The following GSTA2 variants were observed in gnomAD, a reference collection of about 807,000 sequenced individuals.
GSTA2 encodes glutathione S-transferase alpha 2, also known as glutathione S-transferase A2.
Under a neutral mutation model 22.4 loss-of-function variants are expected in GSTA2, and 27 were observed. That is an observed-to-expected ratio of 1.21 (90% CI 0.89 to 1.67). The LOEUF (loss-of-function observed/expected upper bound fraction) is 1.67. Ranked by LOEUF, GSTA2 falls within the 40% of genes most tolerant of loss-of-function variation. The pLI, the probability that GSTA2 is intolerant of heterozygous loss-of-function variation, is 0.00. For missense variants in GSTA2, 302 were observed against 260.2 expected (o/e 1.16, Z -1.11); for synonymous variants, 121 against 86.8 (o/e 1.39, Z -2.19).
At chr6:52,754,432 C>T (rs1762802756) in intron 4 of GSTA2, among the ~76,000 whole-genome samples, 1 of 152,146 alleles carries the variant, frequency 6.6e-6, no homozygotes, top group African/African-American at 2.4e-5. Context: ...CTCCAGTATC[C>T]TTGGTGCCAG....
At chr6:52,762,171 G>T (rs1026688540) in intron 1 of GSTA2, among the ~76,000 whole-genome samples, 3 of 152,184 alleles carry the variant, frequency 2.0e-5, no homozygotes, top group African/African-American at 4.8e-5. Context: ...ATTGTCCAAG[G>T]TTTCTCCCCA....
chr6:52,760,311 A>G (rs59288314), intron 1 of GSTA2, among the ~76,000 whole-genome samples: 2,723 of 152,328 alleles, frequency 0.018, 87 homozygotes, highest in African/African-American at 0.061. Flanking sequence ...ACTCCAGCTG[A>G]TAATTAACAT....
intron 6 of GSTA2, among the ~76,000 whole-genome samples, chr6:52,751,241 A>T (rs559736390): frequency 6.6e-6 from 1 of 152,176 alleles, no homozygotes; most frequent in African/African-American, 2.4e-5. Context: ...GACTGACTCA[A>T]TGTGGGCACA....
Position 52,757,906 on chromosome 6 carries a change from GC to G in GSTA2, c.41del (p.Gly14AlafsTer15). ...GGAGCCACCGGATGGACTCCATTCT[GC>G]CCCGTATATTGGAGTAGTGGAGCTT... ...KPKLHYSNIR[G>X]RMESIRWLLA... On this transcript the variant is annotated frameshift_variant, in exon 2 of 7. Transcript: ENST00000493422. LOFTEE classifies it high-confidence loss of function. The G allele has an allele frequency of 6.2e-7, 1 of 1,613,740 alleles. No homozygotes were observed. Among genetic ancestry groups the G allele is most frequent in the Non-Finnish European group, 8.5e-7 (1 of 1,179,724 alleles).
At chr6:52,754,272 C>T (rs1210316013) in intron 4 of GSTA2, among the ~76,000 whole-genome samples, 3 of 151,980 alleles carry the variant, frequency 2.0e-5, no homozygotes, top group Admixed American at 6.5e-5. Flanking sequence ...TCGGTAATAC[C>T]ATATTAAAGT....
chr6:52,754,595 A>C (rs73740523), intron 4 of GSTA2, among the ~76,000 whole-genome samples: 2 of 152,186 alleles, frequency 1.3e-5, no homozygotes, highest in East Asian at 3.9e-4. Context: ...CACATATTCT[A>C]TGCCTGTCCT....
intron 1 of GSTA2, among the ~76,000 whole-genome samples, chr6:52,761,115 T>A (rs2608630): frequency 0.75 from 113,519 of 151,834 alleles, 43,789 homozygotes; most frequent in African/African-American, 0.94. Flanking sequence ...TCTTCTTAGA[T>A]TAGAGATAGT....
intron 1 of GSTA2, among the ~76,000 whole-genome samples, chr6:52,763,053 T>C (rs1332746717): frequency 1.3e-5 from 2 of 152,232 alleles, no homozygotes; most frequent in Admixed American, 1.3e-4. Context: ...TCACAGCCAA[T>C]ATAGAATTAC....
chr6:52,752,005 G>A (rs1335874503), intron 5 of GSTA2, among the ~76,000 whole-genome samples: 4 of 152,284 alleles, frequency 2.6e-5, no homozygotes, highest in South Asian at 2.1e-4. Flanking sequence ...AGCACCTGCC[G>A]CCGCATGTTC....
rs1231808107 is a variant in GSTA2 at position 52,751,713 on chromosome 6, A to G, written c.415-5T>C. The G allele has an allele frequency of 6.2e-7, 1 of 1,614,112 alleles. No individual in the cohort carries two copies. The stretch of plus-strand genomic sequence containing the variant: ...TTGTCCGTGGCTCTTTAAGACCTGG[A>G]GAATGGGAGGAATCAGATCAGGAAC... On this transcript the variant is annotated splice_region_variant and splice_polypyrimidine_tract_variant and intron_variant, in intron 5 of 6. Transcript: ENST00000493422.
In GSTA2 at chr6:52,757,896, A is replaced by G; in HGVS notation, c.52T>C (p.Ser18Pro). 1 of 1,613,634 alleles carries G rather than the reference A, an allele frequency of 6.2e-7. No homozygotes were observed. Among genetic ancestry groups the G allele is most frequent in the Non-Finnish European group, 8.5e-7 (1 of 1,179,716 alleles). The part of the protein sequence containing the change: ...HYSNIRGRME[S>P]IRWLLAAAGV... The stretch of plus-strand genomic sequence containing the variant: ...GCTGCAGCCAGGAGCCACCGGATGG[A>G]CTCCATTCTGCCCCGTATATTGGAG... The change falls in exon 2 of 7, where the codon TCC (serine) becomes CCC (proline). Residue 18 changes from serine to proline, a missense_variant. By Grantham distance (74) the Ser-to-Pro change is moderately conservative. Transcript: ENST00000493422.
rs1188303606 is a variant in GSTA2, at chr6:52,750,648, G to T, written c.598C>A (p.Pro200Thr). Residue 200 changes from proline (P) to threonine (T), a missense_variant, in exon 7 of 7, where the codon CCT (proline) becomes ACT (threonine). Transcript: ENST00000493422. ...ATGGGAGGCTTCCTTGGGCTGCCAGGCTGTAGAAACTTCTTCACTGTGGGC... is the reference window on the plus strand; with the variant it reads ...ATGGGAGGCTTCCTTGGGCTGCCAGTCTGTAGAAACTTCTTCACTGTGGGC... The part of the protein sequence containing the change: ...NLPTVKKFLQ[P>T]GSPRKPPMDE... The T allele has an allele frequency of 6.2e-7, 1 of 1,613,534 alleles. No homozygotes were observed. Among genetic ancestry groups the T allele is most frequent in the Admixed American group, 1.7e-5 (1 of 60,004 alleles).
In GSTA2 at chr6:52,761,532, G is replaced by A. The variant is rs187375013; in HGVS notation, c.-31+1912C>T. Among the ~76,000 whole-genome samples, 241 of 150,950 alleles carry A rather than the reference G, an allele frequency of 1.6e-3. 1 individual carries two copies. Among genetic ancestry groups the A allele is most frequent in the Middle Eastern group, 6.8e-3 (2 of 294 alleles). Reference sequence around the variant, plus strand: ...CAGACTTATATCAAATCTGTCATATGATGGCTCTCTGTTTCTCTCTCTCTT... The same window carrying A: ...CAGACTTATATCAAATCTGTCATATAATGGCTCTCTGTTTCTCTCTCTCTT... On this transcript the variant is annotated intron_variant, in intron 1 of 6. Transcript: ENST00000493422.
In GSTA2 at chr6:52,750,719, G is replaced by A. The variant is rs747789528; in HGVS notation, c.547-20C>T. ...CAGGGCCTGTAATCCACAAAGCACA[G>A]CCTCACTAAAACAACAAGTCAAGGG... On this transcript the variant is annotated intron_variant, in intron 6 of 6. Transcript: ENST00000493422. 19 of 1,611,092 alleles carry A rather than the reference G, an allele frequency of 1.2e-5. No individual in the cohort carries two copies. The highest frequency in any genetic ancestry group is 1.6e-5 in the Non-Finnish European group (19 of 1,179,340).
chr6:52,758,534 T>C (rs1762890890), intron 1 of GSTA2, among the ~76,000 whole-genome samples: 1 of 152,130 alleles, frequency 6.6e-6, no homozygotes, highest in Non-Finnish European at 1.5e-5. Context: ...TGGGAACCCA[T>C]GAACTGGCCA....
intron 1 of GSTA2, among the ~76,000 whole-genome samples, chr6:52,758,195 T>G (rs73740542): frequency 0.018 from 2,717 of 152,288 alleles, 88 homozygotes; most frequent in African/African-American, 0.061. Context: ...TTTTCACTGT[T>G]TAACTCTGAA....
At chr6:52,754,559 T>G (rs1762804738) in intron 4 of GSTA2, among the ~76,000 whole-genome samples, 1 of 152,136 alleles carries the variant, frequency 6.6e-6, no homozygotes, top group Admixed American at 6.5e-5. Context: ...CAGCTTTCCC[T>G]CCCCAGTCCT....
chr6:52,753,676 C>T (rs1159227645), intron 4 of GSTA2, among the ~76,000 whole-genome samples: 2 of 152,160 alleles, frequency 1.3e-5, no homozygotes, highest in African/African-American at 4.8e-5. Context: ...TTGTGTCAAA[C>T]TGGAGTTTCA....
At position 52,755,078 on chromosome 6, in the gene GSTA2, T is replaced by A; in HGVS notation, c.140-3A>T. ...TTGCTGGAACATCAAATATCCATCT[T>A]TAAGAGGAAGAAAAAAAAGGAGAGT... On this transcript the variant is annotated splice_region_variant and splice_polypyrimidine_tract_variant and intron_variant, in intron 3 of 6. Coordinates refer to ENST00000493422, the MANE Select transcript of GSTA2 (RefSeq NM_000846.5). The A allele has an allele frequency of 2.5e-6, 4 of 1,614,030 alleles. No homozygotes were observed. Among genetic ancestry groups the A allele is most frequent in the Non-Finnish European group, 3.4e-6 (4 of 1,180,018 alleles).
Sources: allele counts gnomAD v4.1 joint callset (sites outside exome capture counted in the v4.1 genomes callset), GRCh38; gene constraint gnomAD v4.1.1; transcripts MANE v1.5; gene names NCBI Gene and HGNC (gene_info 2026-07-23, HGNC 2026-07-21).